The following COLGALT1 variants were observed in gnomAD, a reference collection of about 807,000 sequenced individuals.
The protein encoded by COLGALT1 is procollagen galactosyltransferase 1.
COLGALT1 carries 43 observed loss-of-function variants against 60.8 expected under a neutral mutation model. The ratio of observed to expected loss-of-function variants is 0.71; its 90% confidence interval spans 0.55 to 0.91. The LOEUF (loss-of-function observed/expected upper bound fraction) is 0.91, where lower values mean the gene tolerates loss of function less well. COLGALT1 is among the 40% of genes least tolerant of loss of function. COLGALT1 has a pLI of 0.00. For missense variants in COLGALT1, 845 were observed against 880.0 expected (o/e 0.96, Z 0.50); for synonymous variants, 369 against 374.2 (o/e 0.99, Z 0.16).
rs2076352028 is a variant in COLGALT1 at position 17,577,541 on chromosome 19, A to G, written c.1133+74A>G. ...GGTGTAGACCTCGCTGGTAGACGGC[A>G]AGTGATTCAGATGGGGGCGGGCGTG... On this transcript the variant is annotated intron_variant, in intron 8 of 11. Transcript: ENST00000252599. 8.4e-6 allele frequency: 11 copies of G among 1,306,138 alleles called. No homozygotes were observed. The South Asian group carries it at 1.7e-4, about 20-fold the overall frequency. 80.9% of individuals were successfully genotyped at this position (1,306,138 alleles called of 1,614,324 possible).
chr19:17,565,436 G>T (rs1024746404), intron 3 of COLGALT1, among the ~76,000 whole-genome samples: 2 of 152,106 alleles, frequency 1.3e-5, no homozygotes, highest in Admixed American at 6.6e-5. Flanking sequence ...CAAAGTGCTA[G>T]GATTACAGGT....
intron 6 of COLGALT1, among the ~76,000 whole-genome samples, chr19:17,573,701 T>G (rs1254781223): frequency 6.7e-6 from 1 of 150,264 alleles, no homozygotes; most frequent in African/African-American, 2.5e-5. Flanking sequence ...GTCTCAAAAA[T>G]AATAATAATA....
rs1348147265 is a variant in COLGALT1, at chr19:17,580,900, C to G, written c.1596C>G (p.His532Gln). ...DEFLPVMFDK[H>Q]PVSEYKAHFS... ...TCCTGCCCGTCATGTTCGACAAACA[C>G]CCAGTGTGAGAGGGGCAGGCGGCTG... Residue 532 changes from histidine (H) to glutamine (Q), a missense_variant, in exon 11 of 12, where the codon CAC becomes CAG. Transcript: ENST00000252599. 6.2e-7 allele frequency: 1 copy of G among 1,613,604 alleles called. No individual in the cohort carries two copies. Among genetic ancestry groups the G allele is most frequent in the African/African-American group, 1.3e-5 (1 of 74,862 alleles).
At chr19:17,560,531 C>G (rs764261872) in intron 3 of COLGALT1, 66 bp downstream of exon 3, 39 of 1,272,832 alleles carry the variant, frequency 3.1e-5, no homozygotes, top group Non-Finnish European at 4.4e-5. Flanking sequence ...GAAGGCGGAG[C>G]AGCAGGATGC....
intron 9 of COLGALT1, among the ~76,000 whole-genome samples, chr19:17,579,235 G>A (rs1452978876): frequency 2.0e-5 from 3 of 152,110 alleles, no homozygotes; most frequent in Non-Finnish European, 2.9e-5. Context: ...GGGGGTGTGC[G>A]GCTGCAAGGC....
At chr19:17,569,728 C>T (rs1568477447) in intron 5 of COLGALT1, among the ~76,000 whole-genome samples, 2 of 151,954 alleles carry the variant, frequency 1.3e-5, no homozygotes, top group Non-Finnish European at 2.9e-5. Context: ...GGAGCCACTG[C>T]ACCTGGGCCA....
In COLGALT1 at chr19:17,581,389, A is replaced by G. The variant is rs1398261959; in HGVS notation, c.1814A>G (p.Lys605Arg). The change falls in exon 12 of 12, where the codon AAG (lysine) becomes AGG (arginine). Residue 605 changes from lysine to arginine, a missense_variant. By Grantham distance (26) the Lys-to-Arg change is conservative. Coordinates refer to ENST00000252599, the MANE Select transcript of COLGALT1 (RefSeq NM_024656.4). ...REQQALSREA[K>R]NSDVLQSPLD... ...CAGCAGGCACTGAGCCGTGAGGCCA[A>G]GAACTCGGACGTGCTCCAGTCCCCA... The G allele has an allele frequency of 1.9e-6, 3 of 1,612,626 alleles. No homozygotes were observed. The African/African-American group carries it at 4.0e-5, about 22-fold the overall frequency.
intron 10 of COLGALT1, chr19:17,580,442 A>C: frequency 3.7e-6 from 2 of 538,022 alleles, no homozygotes; most frequent in Non-Finnish European, 3.4e-6. Context: ...GCCTCAGAGA[A>C]CGTCTGCGTG....
chr19:17,560,490 T>G (rs1233787762), intron 3 of COLGALT1, 25 bp downstream of exon 3: 2 of 1,586,712 alleles, frequency 1.3e-6, no homozygotes, highest in Non-Finnish European at 1.7e-6. Context: ...CGGCCGGATA[T>G]GGATCACAGG....
chr19:17,556,889 G>A (rs1305127949), intron 1 of COLGALT1, among the ~76,000 whole-genome samples: 3 of 152,100 alleles, frequency 2.0e-5, no homozygotes, highest in African/African-American at 7.2e-5. Flanking sequence ...CTCCAGCCTG[G>A]GCTACAGAGT....
chr19:17,567,736 T>G (rs1297097273), intron 4 of COLGALT1, among the ~76,000 whole-genome samples, 196 bp downstream of exon 4: 2 of 151,646 alleles, frequency 1.3e-5, no homozygotes, highest in Non-Finnish European at 2.9e-5. Context: ...CTCAGGAGTT[T>G]GAGACCATCC....
At chr19:17,572,715 G>C in intron 6 of COLGALT1, 113 bp downstream of exon 6, 4 of 1,465,984 alleles carry the variant, frequency 2.7e-6, no homozygotes, top group South Asian at 2.5e-5. Context: ...AAGTCCCTGT[G>C]GGGGGTGCTG....
chr19:17,580,156 G>T, intron 10 of COLGALT1: 1 of 190,192 alleles, frequency 5.3e-6, no homozygotes, highest in Non-Finnish European at 1.1e-5. Context: ...GTGTGGGGGC[G>T]TGGCCAGGGC....
intron 1 of COLGALT1, among the ~76,000 whole-genome samples, chr19:17,559,084 C>T (rs553868131): frequency 9.9e-5 from 15 of 151,726 alleles, no homozygotes; most frequent in East Asian, 5.9e-4. Context: ...GGCGTGAACC[C>T]GGGAGGCGGA....
intron 1 of COLGALT1, chr19:17,556,582 A>C (rs2076213282): frequency 2.0e-6 from 2 of 975,794 alleles, no homozygotes; most frequent in South Asian, 4.7e-5. Flanking sequence ...GAAACCTTTG[A>C]CTGGTGACTT....
At position 17,577,079 on chromosome 19, in the gene COLGALT1, C is replaced by T. The variant is rs1024811456; in HGVS notation, c.950-116C>T. On this transcript the variant is annotated intron_variant, in intron 6 of 11. Transcript: ENST00000252599. ...AGCGCTGATGTGGGCGGAGCCAGGT[C>T]GACTTTGTGGGCCGAGCCAGTCTGA... 1.1e-5 allele frequency: 11 copies of T among 998,372 alleles called. No individual in the cohort carries two copies. In the African/African-American group the frequency reaches 1.3e-4, roughly 12 times the overall value. The allele number at this position is 998,372 out of a possible 1,614,324, so 61.8% of individuals were successfully genotyped here.
At position 17,581,446 on chromosome 19, in the gene COLGALT1, G is replaced by T. The variant is rs1277181597; in HGVS notation, c.*2G>T. ...AGTGCTGCCCGGGATGAACTCTGAGGGGTAGCAGCCAGAAAGCCAAAGCAG... is the reference window on the plus strand; with the variant it reads ...AGTGCTGCCCGGGATGAACTCTGAGTGGTAGCAGCCAGAAAGCCAAAGCAG... On this transcript the variant is annotated 3_prime_UTR_variant, in exon 12 of 12. Coordinates refer to ENST00000252599, the MANE Select transcript of COLGALT1 (RefSeq NM_024656.4). The T allele has an allele frequency of 2.5e-6, 4 of 1,603,624 alleles. No homozygotes were observed. The highest frequency in any genetic ancestry group is 3.4e-6 in the Non-Finnish European group (4 of 1,177,462).
chr19:17,563,377 TCTCA>T (rs1004343845), intron 3 of COLGALT1, among the ~76,000 whole-genome samples: 3 of 149,412 alleles, frequency 2.0e-5, no homozygotes, highest in Admixed American at 6.7e-5. Flanking sequence ...TGTGACGGAG[TCTCA>T]CTCTGTCGCC....
intron 3 of COLGALT1, among the ~76,000 whole-genome samples, chr19:17,564,184 G>A (rs1599781096): frequency 6.6e-6 from 1 of 152,044 alleles, no homozygotes; most frequent in Non-Finnish European, 1.5e-5. Flanking sequence ...GGAGTAGGAG[G>A]CTGCAATCAG....
Sources: gnomAD v4.1 joint callset for allele counts (sites outside exome capture counted in the v4.1 genomes callset) on GRCh38, gnomAD v4.1.1 for gene constraint, MANE v1.5 for transcripts, NCBI Gene and HGNC (gene_info 2026-07-23, HGNC 2026-07-21) for gene names.